Variants in LDLRAD4 observed in about 807,000 individuals in gnomAD.
LDLRAD4 encodes low-density lipoprotein receptor class A domain-containing protein 4.
In LDLRAD4, 5 loss-of-function variants were observed where a neutral mutation model predicts 17.0. The observed-to-expected ratio is 0.29, with a 90% confidence interval of 0.15 to 0.62. The LOEUF (loss-of-function observed/expected upper bound fraction) is 0.62. LDLRAD4 is among the 20% of genes least tolerant of loss of function. LDLRAD4 has a pLI of 0.84. For synonymous variants in LDLRAD4, 168 were observed against 171.8 expected, an observed-to-expected ratio of 0.98 and a Z score of 0.17; for missense variants, 340 against 424.7, an observed-to-expected ratio of 0.80 and a Z score of 1.75.
intron 3 of LDLRAD4, among the ~76,000 whole-genome samples, chr18:13,463,640 C>T (rs11080657): frequency 0.079 from 12,025 of 152,158 alleles, 615 homozygotes; most frequent in East Asian, 0.13. Flanking sequence ...ATTTCTAATT[C>T]TGAGTAACTA....
At chr18:13,547,597 G>A (rs141020217) in intron 3 of LDLRAD4, among the ~76,000 whole-genome samples, 98 of 152,346 alleles carry the variant, frequency 6.4e-4, no homozygotes, top group African/African-American at 2.2e-3. Context: ...GTGAGTGAGC[G>A]TGGAGTGTGG....
At chr18:13,290,228 G>A (rs2045887423) in intron 1 of LDLRAD4, among the ~76,000 whole-genome samples, 1 of 152,192 alleles carries the variant, frequency 6.6e-6, no homozygotes, top group African/African-American at 2.4e-5. Flanking sequence ...CTTGATCCTT[G>A]AAGAGGAAGA....
intron 3 of LDLRAD4, among the ~76,000 whole-genome samples, chr18:13,512,345 C>G (rs567386192): frequency 6.6e-6 from 1 of 152,322 alleles, no homozygotes; most frequent in South Asian, 2.1e-4. Context: ...CTGTGGCCTC[C>G]TTTCCTTTGG....
At chr18:13,259,099 T>A (rs535280556) in intron 1 of LDLRAD4, among the ~76,000 whole-genome samples, 2 of 152,360 alleles carry the variant, frequency 1.3e-5, no homozygotes, top group African/African-American at 4.8e-5. Context: ...CGCAGAGCAC[T>A]TGTGCAAGTT....
chr18:13,271,208 A>G (rs1038552826), intron 1 of LDLRAD4, among the ~76,000 whole-genome samples: 2 of 152,240 alleles, frequency 1.3e-5, no homozygotes, highest in Non-Finnish European at 2.9e-5. Flanking sequence ...GAACTGTCCT[A>G]TTATACCATT....
chr18:13,601,660 A>T (rs1601642297), intron 3 of LDLRAD4, among the ~76,000 whole-genome samples: 1 of 150,790 alleles, frequency 6.6e-6, no homozygotes, highest in African/African-American at 2.5e-5. Context: ...TCTGAAAAAA[A>T]AAAAAAGAAA....
chr18:13,522,268 C>T (rs1307368875), intron 3 of LDLRAD4: 1 of 150,190 alleles, frequency 6.7e-6, no homozygotes, highest in Non-Finnish European at 1.5e-5. Context: ...CAAAGGACCT[C>T]TCCTCCTGCT....
chr18:13,380,352 A>G (rs1599796880), intron 1 of LDLRAD4, among the ~76,000 whole-genome samples: 1 of 152,280 alleles, frequency 6.6e-6, no homozygotes, highest in South Asian at 2.1e-4. Context: ...CTCCTGAGCC[A>G]GTGTCTCCTG....
chr18:13,526,103 G>A (rs917472385), intron 3 of LDLRAD4: 1 of 152,094 alleles, frequency 6.6e-6, no homozygotes, highest in African/African-American at 2.4e-5. Context: ...GAATTTTATG[G>A]CACTGTTATA....
intron 3 of LDLRAD4, among the ~76,000 whole-genome samples, chr18:13,529,957 C>T (rs926613955): frequency 6.6e-6 from 1 of 152,086 alleles, no homozygotes; most frequent in Non-Finnish European, 1.5e-5. Context: ...TCTCTGTAGT[C>T]GGAAGCTTTC....
At chr18:13,560,434 T>G (rs1055957904) in intron 3 of LDLRAD4, among the ~76,000 whole-genome samples, 1 of 152,216 alleles carries the variant, frequency 6.6e-6, no homozygotes, top group African/African-American at 2.4e-5. Flanking sequence ...GGTTGGTCCT[T>G]GAAGGGACCT....
At chr18:13,582,890 T>C (rs948717864) in intron 3 of LDLRAD4, among the ~76,000 whole-genome samples, 1 of 152,164 alleles carries the variant, frequency 6.6e-6, no homozygotes, top group Non-Finnish European at 1.5e-5. Context: ...TTTTAAATTT[T>C]ACATTTTGTA....
At chr18:13,343,926 G>T (rs1349625810) in intron 1 of LDLRAD4, among the ~76,000 whole-genome samples, 1 of 152,152 alleles carries the variant, frequency 6.6e-6, no homozygotes, top group Admixed American at 6.5e-5. Context: ...TTTTGATGGG[G>T]TTATTTGTTT....
In LDLRAD4 at chr18:13,352,206, G is replaced by A. The variant is rs149268807; in HGVS notation, c.-382-35135G>A. On this transcript the variant is annotated intron_variant, in intron 1 of 5. Coordinates refer to ENST00000359446, the Ensembl canonical transcript of LDLRAD4. ...GCATTCCCTTTGAAAACCAGCACAA[G>A]ACAAGGATACCCTTTCTCACCACTT... Among the ~76,000 whole-genome samples, 48 of 152,264 alleles carry A rather than the reference G, an allele frequency of 3.2e-4. No individual in the cohort carries two copies. The East Asian group carries it at 8.7e-3, about 28-fold the overall frequency.
At chr18:13,238,988 C>G (rs2042481507) in intron 1 of LDLRAD4, among the ~76,000 whole-genome samples, 1 of 152,004 alleles carries the variant, frequency 6.6e-6, no homozygotes, top group Admixed American at 6.6e-5. Flanking sequence ...GAGTTCGAGA[C>G]CAGCCTGGCC....
intron 3 of LDLRAD4, among the ~76,000 whole-genome samples, chr18:13,604,383 CAACAACCTGGA>C (rs1327987618): frequency 6.6e-6 from 1 of 152,172 alleles, no homozygotes; most frequent in African/African-American, 2.4e-5. Flanking sequence ...GGTCACTTGG[CAACAACCTGGA>C]CCATCATGAG....
chr18:13,339,404 TGTTG>T (rs1382658914), intron 1 of LDLRAD4, among the ~76,000 whole-genome samples: 1 of 152,126 alleles, frequency 6.6e-6, no homozygotes, highest in Non-Finnish European at 1.5e-5. Flanking sequence ...GGTTTCACCA[TGTTG>T]GCCAGGATGG....
At chr18:13,252,274 G>A (rs1303246037) in intron 1 of LDLRAD4, among the ~76,000 whole-genome samples, 3 of 152,090 alleles carry the variant, frequency 2.0e-5, no homozygotes, top group South Asian at 2.1e-4. Context: ...GATTACAGGC[G>A]CCCATCACCA....
At chr18:13,637,991 T>C (rs1164161407) in intron 4 of LDLRAD4, among the ~76,000 whole-genome samples, 1 of 152,194 alleles carries the variant, frequency 6.6e-6, no homozygotes, top group African/African-American at 2.4e-5. Context: ...CTGAAGCTTA[T>C]TTAAGGCACT....
Sources: allele counts gnomAD v4.1 joint callset (sites outside exome capture counted in the v4.1 genomes callset), GRCh38; gene constraint gnomAD v4.1.1; transcripts MANE v1.5; gene names NCBI Gene and HGNC (gene_info 2026-07-23, HGNC 2026-07-21).